Variants in ANO3 observed in about 807,000 individuals in gnomAD.
The protein encoded by ANO3 is anoctamin-3.
Under a neutral mutation model 144.8 loss-of-function variants are expected in ANO3, and 99 were observed. The ratio of observed to expected loss-of-function variants is 0.68; its 90% CI spans 0.58 to 0.81. ANO3 has a LOEUF of 0.81. Among genes scored for constraint, ANO3 ranks in the 30% least tolerant of loss-of-function variants. ANO3 has a pLI of 0.00. For missense variants in ANO3, 905 were observed against 1,202.2 expected, an observed-to-expected ratio of 0.75 and a Z score of 3.66; for synonymous variants, 414 against 392.6, an observed-to-expected ratio of 1.05 and a Z score of -0.64.
chr11:26,533,227 G>A (rs1227599017), intron 8 of ANO3, among the ~76,000 whole-genome samples: 4 of 152,134 alleles, frequency 2.6e-5, no homozygotes, highest in African/African-American at 9.7e-5. Context: ...GGCAGGATCT[G>A]GGATGCCTTT....
intron 1 of ANO3, among the ~76,000 whole-genome samples, chr11:26,197,075 G>T (rs1486207283): frequency 6.6e-6 from 1 of 152,116 alleles, no homozygotes; most frequent in Non-Finnish European, 1.5e-5. Flanking sequence ...GCCTAAACTG[G>T]TAATAATATT....
At chr11:26,480,799 C>A (rs1242474112) in intron 4 of ANO3, among the ~76,000 whole-genome samples, 1 of 151,772 alleles carries the variant, frequency 6.6e-6, no homozygotes, top group Non-Finnish European at 1.5e-5. Context: ...CAGAGTGAGA[C>A]CCTGTCTCAA....
chr11:26,519,923 G>A (rs1225565499), intron 6 of ANO3, among the ~76,000 whole-genome samples: 1 of 151,882 alleles, frequency 6.6e-6, no homozygotes, highest in Non-Finnish European at 1.5e-5. Context: ...ACAATTCTAT[G>A]GTGTAATACT....
At chr11:26,611,175 T>G (rs1206983212) in intron 17 of ANO3, among the ~76,000 whole-genome samples, 1 of 152,094 alleles carries the variant, frequency 6.6e-6, no homozygotes, top group African/African-American at 2.4e-5. Flanking sequence ...GGGGTTTCGT[T>G]TGTCTTTTTT....
At chr11:26,618,783 G>C (rs1456159102) in intron 17 of ANO3, among the ~76,000 whole-genome samples, 1 of 152,086 alleles carries the variant, frequency 6.6e-6, no homozygotes, top group African/African-American at 2.4e-5. Flanking sequence ...TTTCTCCACA[G>C]TGCTTCCTGT....
intron 14 of ANO3, among the ~76,000 whole-genome samples, chr11:26,569,660 G>C (rs1373556036): frequency 6.6e-6 from 1 of 152,118 alleles, no homozygotes; most frequent in African/African-American, 2.4e-5. Flanking sequence ...AGCAACTCCA[G>C]AGGGCAACAA....
intron 24 of ANO3, among the ~76,000 whole-genome samples, chr11:26,648,396 C>T (rs1440479279): frequency 1.3e-5 from 2 of 152,158 alleles, no homozygotes; most frequent in African/African-American, 4.8e-5. Context: ...CTCTTTGCAA[C>T]ATAGTTTCTC....
At chr11:26,650,855 C>G (rs942664694) in intron 24 of ANO3, among the ~76,000 whole-genome samples, 1 of 152,116 alleles carries the variant, frequency 6.6e-6, no homozygotes, top group Admixed American at 6.5e-5. Context: ...TTTTTTCCAA[C>G]ATGAAATAAT....
intron 15 of ANO3, 45 bp from the exon 16 acceptor site, chr11:26,598,813 T>C (rs768300059): frequency 6.3e-7 from 1 of 1,583,016 alleles, no homozygotes; most frequent in East Asian, 2.3e-5. Flanking sequence ...TATGTTTTTT[T>C]AGTTTATGGC....
chr11:26,414,757 TTAAAAA>T (rs1857529741), intron 1 of ANO3, among the ~76,000 whole-genome samples: 2 of 79,622 alleles, frequency 2.5e-5, no homozygotes, highest in Middle Eastern at 6.8e-3. Flanking sequence ...TACAGTAAAG[TTAAAAA>T]AAAAAAAAAA....
intron 1 of ANO3, among the ~76,000 whole-genome samples, chr11:26,360,114 A>G (rs1016419223): frequency 6.6e-6 from 1 of 151,630 alleles, no homozygotes; most frequent in African/African-American, 2.4e-5. Flanking sequence ...AAATTTCTGT[A>G]AGAATTTTCA....
chr11:26,424,875 G>A (rs1857872890), intron 1 of ANO3, among the ~76,000 whole-genome samples: 1 of 150,298 alleles, frequency 6.7e-6, no homozygotes, highest in East Asian at 1.9e-4. Flanking sequence ...CTTCAAAATA[G>A]TATTTTATAC....
chr11:26,205,458 A>G (rs1454577326), intron 1 of ANO3, among the ~76,000 whole-genome samples: 1 of 152,164 alleles, frequency 6.6e-6, no homozygotes, highest in Non-Finnish European at 1.5e-5. Flanking sequence ...ATAAAGTCCA[A>G]CACAATTCTG....
chr11:26,603,915 A>G (rs892673436), intron 17 of ANO3, among the ~76,000 whole-genome samples: 4 of 152,186 alleles, frequency 2.6e-5, no homozygotes, highest in African/African-American at 9.7e-5. Context: ...GGTATTTAGC[A>G]TGACCATCAC....
At chr11:26,266,615 A>C (rs1233907462) in intron 1 of ANO3, among the ~76,000 whole-genome samples, 1 of 151,400 alleles carries the variant, frequency 6.6e-6, no homozygotes, top group Non-Finnish European at 1.5e-5. Flanking sequence ...TTGTATTTTT[A>C]GTAGAGACAG....
chr11:26,627,098 C>T (rs1055988162), intron 18 of ANO3, among the ~76,000 whole-genome samples: 11 of 151,282 alleles, frequency 7.3e-5, no homozygotes, highest in Non-Finnish European at 1.6e-4. Context: ...TTTATTCTCT[C>T]GGTTTCTTAA....
chr11:26,537,385 G>C (rs1849537573), intron 9 of ANO3, 21 bp from the exon 10 acceptor site: 7 of 1,593,010 alleles, frequency 4.4e-6, no homozygotes, highest in Admixed American at 1.7e-5. Context: ...CTCAATAACT[G>C]TCCTTTTCTT....
At chr11:26,502,603 C>A (rs951994914) in intron 4 of ANO3, among the ~76,000 whole-genome samples, 1 of 152,032 alleles carries the variant, frequency 6.6e-6, no homozygotes, top group East Asian at 1.9e-4. Flanking sequence ...GATTATATAA[C>A]CTTCCGTGTC....
intron 18 of ANO3, among the ~76,000 whole-genome samples, chr11:26,627,839 G>GTGTA (rs1554981551): frequency 3.5e-5 from 5 of 142,020 alleles, no homozygotes; most frequent in African/African-American, 1.3e-4. Flanking sequence ...GTGTGTGTGT[G>GTGTA]TGTGTGTGTG....
Sources: gnomAD v4.1 joint callset for allele counts (sites outside exome capture counted in the v4.1 genomes callset) on GRCh38, gnomAD v4.1.1 for gene constraint, MANE v1.5 for transcripts, NCBI Gene and HGNC (gene_info 2026-07-23, HGNC 2026-07-21) for gene names.